TGFBR3: variants seen among roughly 807,000 people sequenced by gnomAD.
TGFBR3 encodes transforming growth factor beta receptor 3, also known as transforming growth factor beta receptor type 3.
TGFBR3 carries 46 observed loss-of-function variants against 87.9 expected under a neutral mutation model. The observed-to-expected ratio is 0.52, with a 90% CI of 0.41 to 0.67. TGFBR3 has a LOEUF of 0.67. TGFBR3 is among the 30% of genes least tolerant of loss of function. The pLI is 0.00. For missense variants in TGFBR3, 866 were observed against 1,041.9 expected (o/e 0.83, Z 2.32); for synonymous variants, 381 against 391.6 (o/e 0.97, Z 0.32).
chr1:91,765,050 C>T (rs559444175), intron 3 of TGFBR3, among the ~76,000 whole-genome samples: 69 of 152,188 alleles, frequency 4.5e-4, no homozygotes, highest in Non-Finnish European at 6.5e-4. Context: ...ATTTCTTTTG[C>T]AATTTTTTTT....
rs577434887 is a variant in TGFBR3, at chr1:91,702,942, G to A, written c.2288-4812C>T. ...CACCTATAATCCCAGCTACTTAGGA[G>A]GCTGAGGCAGGAGAATCACTTGAAC... On this transcript the variant is annotated intron_variant, in intron 14 of 16. Transcript: ENST00000212355. Among the ~76,000 whole-genome samples, 12 of 152,234 alleles carry A rather than the reference G, an allele frequency of 7.9e-5. No individual in the cohort carries two copies. The South Asian group carries it at 1.5e-3, about 18-fold the overall frequency.
At position 91,750,197 on chromosome 1, in the gene TGFBR3, T is replaced by TG. The variant is rs540669509; in HGVS notation, c.384+8415_384+8416insC. Reference sequence around the variant, plus strand: ...AACCCTCCTGGACAGTAGGTCTTCCTCAGGAAAAATACACCCAGGCAAATC... The same window carrying TG: ...AACCCTCCTGGACAGTAGGTCTTCCTGCAGGAAAAATACACCCAGGCAAATC... On this transcript the variant is annotated intron_variant, in intron 4 of 16. Coordinates refer to ENST00000212355, the MANE Select transcript of TGFBR3 (RefSeq NM_003243.5). Among the ~76,000 whole-genome samples, 14 of 152,252 alleles carry TG rather than the reference T, an allele frequency of 9.2e-5. No individual in the cohort carries two copies. The South Asian group carries it at 2.9e-3, about 32-fold the overall frequency.
chr1:91,685,174 T>G (rs1252847716), intron 16 of TGFBR3, among the ~76,000 whole-genome samples: 1 of 152,186 alleles, frequency 6.6e-6, no homozygotes, highest in Non-Finnish European at 1.5e-5. Context: ...CTATACACAC[T>G]TTTGCATCAA....
chr1:91,888,834 C>G (rs1679387779), upstream of TGFBR3, among the ~76,000 whole-genome samples: 1 of 152,160 alleles, frequency 6.6e-6, no homozygotes, highest in South Asian at 2.1e-4. Flanking sequence ...AGATTCACAA[C>G]AGTAACCATC....
intron 3 of TGFBR3, among the ~76,000 whole-genome samples, chr1:91,759,332 A>G (rs1300314668): frequency 1.3e-5 from 2 of 150,036 alleles, no homozygotes; most frequent in African/African-American, 4.9e-5. Context: ...TTCCAAAGAA[A>G]TGAAGCACAG....
intron 2 of TGFBR3, among the ~76,000 whole-genome samples, chr1:91,800,228 C>CA (rs148518308): frequency 7.3e-4 from 83 of 114,312 alleles, no homozygotes; most frequent in South Asian, 3.3e-3. Context: ...CCCATCTCTA[C>CA]AAAAAAAAAA....
At chr1:91,848,576 G>T (rs1571569715) in intron 2 of TGFBR3, among the ~76,000 whole-genome samples, 2 of 152,130 alleles carry the variant, frequency 1.3e-5, no homozygotes, top group African/African-American at 4.8e-5. Flanking sequence ...AAAATCTGTT[G>T]TATCATGCTC....
At chr1:91,844,637 C>T (rs998119996) in intron 2 of TGFBR3, among the ~76,000 whole-genome samples, 1 of 152,080 alleles carries the variant, frequency 6.6e-6, no homozygotes, top group Admixed American at 6.5e-5. Context: ...TTAGAATAAC[C>T]TTGAATTTAG....
chr1:91,806,672 T>C (rs1473049425), intron 2 of TGFBR3, among the ~76,000 whole-genome samples: 2 of 152,022 alleles, frequency 1.3e-5, no homozygotes, highest in African/African-American at 2.4e-5. Context: ...GTAATAAAAG[T>C]GGTAAAGATG....
At chr1:91,687,335 G>T (rs1201609576) in intron 16 of TGFBR3, among the ~76,000 whole-genome samples, 2 of 152,108 alleles carry the variant, frequency 1.3e-5, no homozygotes, top group African/African-American at 4.8e-5. Context: ...GTCTCTACCA[G>T]GGGGAAGAAG....
intron 3 of TGFBR3, among the ~76,000 whole-genome samples, chr1:91,773,053 C>T (rs1674437347): frequency 6.6e-6 from 1 of 152,164 alleles, no homozygotes; most frequent in Admixed American, 6.5e-5. Context: ...ATTTTGCCTT[C>T]CTCCTAATGT....
intron 2 of TGFBR3, among the ~76,000 whole-genome samples, chr1:91,801,876 A>G (rs1675642041): frequency 6.6e-6 from 1 of 152,212 alleles, no homozygotes; most frequent in African/African-American, 2.4e-5. Flanking sequence ...CCTTTGACCC[A>G]GCAACTTCCC....
intron 1 of TGFBR3, among the ~76,000 whole-genome samples, chr1:91,882,500 T>C (rs966049760): frequency 6.6e-6 from 1 of 151,668 alleles, no homozygotes; most frequent in Admixed American, 6.5e-5. Context: ...ATCCCAGCAC[T>C]TTGGGAGGCT....
chr1:91,716,137 T>C (rs1672159931), intron 12 of TGFBR3, 99 bp downstream of exon 12: 2 of 1,440,592 alleles, frequency 1.4e-6, no homozygotes, highest in African/African-American at 2.8e-5. Context: ...GTCTGTGAGG[T>C]AGGACAGGAA....
chr1:91,786,046 G>C (rs1162420101), intron 3 of TGFBR3: 2 of 367,668 alleles, frequency 5.4e-6, no homozygotes, highest in Non-Finnish European at 1.1e-5. Flanking sequence ...TTACAGGCGT[G>C]AGCCACCACA....
intron 2 of TGFBR3, among the ~76,000 whole-genome samples, chr1:91,821,561 A>C (rs1192479759): frequency 6.6e-6 from 1 of 152,216 alleles, no homozygotes; most frequent in Non-Finnish European, 1.5e-5. Flanking sequence ...TGTGGTTTAA[A>C]GGAACAATCT....
intron 1 of TGFBR3, among the ~76,000 whole-genome samples, chr1:91,868,583 C>T (rs747917269): frequency 3.3e-5 from 5 of 152,162 alleles, no homozygotes; most frequent in Non-Finnish European, 7.4e-5. Context: ...TGCAGGGGTT[C>T]AGCTGGGGGC....
At chr1:91,779,657 G>C (rs1463978723) in intron 3 of TGFBR3, among the ~76,000 whole-genome samples, 1 of 152,196 alleles carries the variant, frequency 6.6e-6, no homozygotes, top group African/African-American at 2.4e-5. Flanking sequence ...CTGTGGCCCT[G>C]GCAACTGTGT....
chr1:91,828,561 A>G (rs1676730036), intron 2 of TGFBR3, among the ~76,000 whole-genome samples: 1 of 152,220 alleles, frequency 6.6e-6, no homozygotes, highest in Non-Finnish European at 1.5e-5. Flanking sequence ...AATTATCATG[A>G]GCAAACAGGG....
Sources: allele counts gnomAD v4.1 joint callset (sites outside exome capture counted in the v4.1 genomes callset), GRCh38; gene constraint gnomAD v4.1.1; transcripts MANE v1.5; gene names NCBI Gene and HGNC (gene_info 2026-07-23, HGNC 2026-07-21).